Variants in ZNF223 observed in about 807,000 individuals in gnomAD.
ZNF223 encodes Homo sapiens zinc finger protein 223.
In ZNF223, 9 loss-of-function variants were observed where a neutral mutation model predicts 12.3. The ratio of observed to expected loss-of-function variants is 0.73; its 90% confidence interval spans 0.44 to 1.28. ZNF223 has a LOEUF of 1.28. Among genes scored for constraint, ZNF223 ranks in the 50% most tolerant of loss-of-function variants. The pLI is 0.00. For missense variants in ZNF223, 506 were observed against 579.0 expected, an observed-to-expected ratio of 0.87 and a Z score of 1.29; for synonymous variants, 171 against 195.2, an observed-to-expected ratio of 0.88 and a Z score of 1.03.
At chr19:44,052,980 G>A (rs1466521224) in intron 1 of ZNF223, among the ~76,000 whole-genome samples, 1 of 151,816 alleles carries the variant, frequency 6.6e-6, no homozygotes, top group East Asian at 1.9e-4. Context: ...TTCCATATAC[G>A]AATTTGTTAA....
intron 2 of ZNF223, among the ~76,000 whole-genome samples, chr19:44,058,606 T>C (rs1013440475): frequency 6.6e-6 from 1 of 152,178 alleles, no homozygotes; most frequent in African/African-American, 2.4e-5. Flanking sequence ...ACAATAGCTA[T>C]GTATCCAGAG....
chr19:44,058,623 G>A (rs1402106039), intron 2 of ZNF223, among the ~76,000 whole-genome samples: 4 of 152,210 alleles, frequency 2.6e-5, no homozygotes, highest in Non-Finnish European at 5.9e-5. Context: ...AGAGAAGGCC[G>A]GAGGTGTTGG....
At chr19:44,054,416 TC>T (rs1378641874) in intron 1 of ZNF223, among the ~76,000 whole-genome samples, 5 of 152,164 alleles carry the variant, frequency 3.3e-5, no homozygotes, top group African/African-American at 1.2e-4. Context: ...GTGGGCATTT[TC>T]TTGTAAAAAA....
intron 4 of ZNF223, among the ~76,000 whole-genome samples, chr19:44,065,581 T>C (rs1194582677): frequency 2.0e-5 from 3 of 147,042 alleles, no homozygotes; most frequent in South Asian, 2.1e-4. Flanking sequence ...TCTTTTCTTT[T>C]TTTTTTTTTT....
chr19:44,055,098 G>T lies in ZNF223; in HGVS notation c.-68-11G>T, dbSNP rs188597251. Reference sequence around the variant, plus strand: ...TCATGTCTCTTTTTCTGTCTTCATGGCACTTTCCAGGCACAATTCTGCTTT... The same window carrying T: ...TCATGTCTCTTTTTCTGTCTTCATGTCACTTTCCAGGCACAATTCTGCTTT... On this transcript the variant is annotated splice_polypyrimidine_tract_variant and intron_variant, in intron 1 of 4. Coordinates refer to ENST00000434772, the MANE Select transcript of ZNF223 (RefSeq NM_013361.6). 1,219 of 1,468,874 alleles carry T rather than the reference G, an allele frequency of 8.3e-4. 2 individuals are homozygous for T. The highest frequency in any genetic ancestry group is 1.0e-3 in the Non-Finnish European group (1,082 of 1,056,150). 91.0% of individuals were successfully genotyped at this position (1,468,874 alleles called of 1,614,324 possible).
At chr19:44,055,902 A>C (rs914832431) in intron 2 of ZNF223, among the ~76,000 whole-genome samples, 2 of 152,186 alleles carry the variant, frequency 1.3e-5, no homozygotes, top group African/African-American at 2.4e-5. Flanking sequence ...CTCATGAAAT[A>C]TGAGAAACCT....
chr19:44,065,783 G>C (rs996994027), intron 4 of ZNF223, among the ~76,000 whole-genome samples: 1 of 151,710 alleles, frequency 6.6e-6, no homozygotes, highest in Admixed American at 6.6e-5. Flanking sequence ...TCACTATGTT[G>C]GTCAGGCTGG....
Position 44,066,312 on chromosome 19 carries a change from A to G in ZNF223, c.484A>G (p.Ile162Val), listed in dbSNP as rs773106281. The G allele has an allele frequency of 3.7e-6, 6 of 1,614,252 alleles. No homozygotes were observed. The highest frequency in any genetic ancestry group is 5.1e-6 in the Non-Finnish European group (6 of 1,180,048). ...TAAACAATCCTTCAGTGATATGTCC[A>G]TCTTTGATCTTCCTCAGCAAATACG... ...KCKQSFSDMSIFDLPQQIRSA... is the reference protein window; with the variant it reads ...KCKQSFSDMSVFDLPQQIRSA... Residue 162 changes from isoleucine to valine, a missense_variant, in exon 5 of 5, where the codon ATC becomes GTC. By Grantham distance (29) the Ile-to-Val change is conservative. Coordinates refer to ENST00000434772, the MANE Select transcript of ZNF223 (RefSeq NM_013361.6).
In ZNF223 at chr19:44,067,357, G is replaced by C. The variant is rs1173536779; in HGVS notation, c.*80G>C. 3 of 1,365,060 alleles carry C rather than the reference G, an allele frequency of 2.2e-6. No homozygotes were observed. Among genetic ancestry groups the C allele is most frequent in the Non-Finnish European group, 1.0e-6 (1 of 982,084 alleles). The allele number at this position is 1,365,060 out of a possible 1,614,324, so 84.6% of individuals were successfully genotyped here. On this transcript the variant is annotated 3_prime_UTR_variant, in exon 5 of 5. Coordinates refer to ENST00000434772, the MANE Select transcript of ZNF223 (RefSeq NM_013361.6). ...TATAATGATCAAATCAGTGTAATTA[G>C]CACATTTATCACCTCAATTATCTCT...
chr19:44,058,257 C>T lies in ZNF223; in HGVS notation c.16-2198C>T, dbSNP rs868048745. Among the ~76,000 whole-genome samples the T allele has an allele frequency of 1.1e-4, 17 of 152,338 alleles. No individual in the cohort carries two copies. In the Middle Eastern group the frequency reaches 0.01, roughly 91 times the overall value. On this transcript the variant is annotated intron_variant, in intron 2 of 4. Coordinates refer to ENST00000434772, the MANE Select transcript of ZNF223 (RefSeq NM_013361.6). Reference sequence around the variant, plus strand: ...TGGGGTCTGCACCCCAACTGTCCTGCAGTCCATCCCCTGACCCAGATATCC... The same window carrying T: ...TGGGGTCTGCACCCCAACTGTCCTGTAGTCCATCCCCTGACCCAGATATCC...
intron 1 of ZNF223, among the ~76,000 whole-genome samples, chr19:44,054,720 C>CA (rs1568511308): frequency 1.3e-5 from 2 of 152,170 alleles, no homozygotes; most frequent in East Asian, 3.8e-4. Context: ...ATTCTCAACT[C>CA]AAATTTAGAA....
In ZNF223 at chr19:44,066,188, G is replaced by T; in HGVS notation, c.360G>T (p.Lys120Asn). The T allele has an allele frequency of 6.2e-7, 1 of 1,614,148 alleles. No homozygotes were observed. The highest frequency in any genetic ancestry group is 8.5e-7 in the Non-Finnish European group (1 of 1,180,028). ...CCAGGCCTCAAGACTCTACCATAAA[G>T]AGCTCTCAGTTCTTTGAACAGGGTG... ...DLTRPQDSTI[K>N]SSQFFEQGDA... is the part of the protein sequence containing the mutation. The change falls in exon 5 of 5, where the codon AAG becomes AAT. Residue 120 changes from lysine to asparagine, a missense_variant. Transcript: ENST00000434772.
At chr19:44,054,937 T>G (rs919746049) in intron 1 of ZNF223, among the ~76,000 whole-genome samples, 172 bp from the exon 2 acceptor site, 1 of 152,220 alleles carries the variant, frequency 6.6e-6, no homozygotes, top group African/African-American at 2.4e-5. Context: ...GCCACAATTT[T>G]TCTGTCCCTT....
intron 2 of ZNF223, among the ~76,000 whole-genome samples, chr19:44,056,454 C>T (rs1346016165): frequency 2.8e-5 from 4 of 144,542 alleles, no homozygotes; most frequent in Non-Finnish European, 6.1e-5. Context: ...ATGGCGTGAA[C>T]CCAGGAGGCG....
intron 2 of ZNF223, among the ~76,000 whole-genome samples, chr19:44,059,835 A>G (rs1173394808): frequency 6.6e-6 from 1 of 152,216 alleles, no homozygotes; most frequent in East Asian, 1.9e-4. Flanking sequence ...CAGTACCATC[A>G]GAAGGACCCT....
At position 44,060,461 on chromosome 19, in the gene ZNF223, G is replaced by T. The variant is rs1976821687; in HGVS notation, c.22G>T (p.Val8Leu). MTMSKEAVTFKDVAVVFT... is the reference protein window; with the variant it reads MTMSKEALTFKDVAVVFT... Reference sequence around the variant, plus strand: ...CATATGTTTGATGCTGTAGGAGGCAGTGACCTTCAAGGATGTGGCAGTGGT... The same window carrying T: ...CATATGTTTGATGCTGTAGGAGGCATTGACCTTCAAGGATGTGGCAGTGGT... The change falls in exon 3 of 5, where the codon GTG (valine) becomes TTG (leucine). Residue 8 changes from valine (V) to leucine (L), a missense_variant. Val to Leu is a conservative substitution (Grantham distance 32, BLOSUM62 1). Transcript: ENST00000434772. The T allele has an allele frequency of 6.2e-7, 1 of 1,614,126 alleles. No individual in the cohort carries two copies. Among genetic ancestry groups the T allele is most frequent in the Non-Finnish European group, 8.5e-7 (1 of 1,179,984 alleles).
intron 2 of ZNF223, among the ~76,000 whole-genome samples, chr19:44,055,879 C>T (rs1976756744): frequency 6.6e-6 from 1 of 152,172 alleles, no homozygotes; most frequent in Non-Finnish European, 1.5e-5. Flanking sequence ...GGTTCCTGAT[C>T]TCTTCTCCTA....
chr19:44,059,714 G>T (rs1261013150), intron 2 of ZNF223, among the ~76,000 whole-genome samples: 1 of 152,138 alleles, frequency 6.6e-6, no homozygotes, highest in Non-Finnish European at 1.5e-5. Context: ...CCATTCCCCT[G>T]GTTGTTTGGC....
chr19:44,066,878 G>T lies in ZNF223; in HGVS notation c.1050G>T (p.Gly350=), dbSNP rs139017447. ...GEKPYNCKEC[G]KSFRRSSYLL... ...AACCATATAATTGTAAAGAATGTGG[G>T]AAGAGCTTCAGACGGTCCTCCTATC... Residue 350 remains glycine, a synonymous_variant, in exon 5 of 5, where the codon GGG becomes GGT. Transcript: ENST00000434772. 6.2e-7 allele frequency: 1 copy of T among 1,614,154 alleles called. No homozygotes were observed. Among genetic ancestry groups the T allele is most frequent in the Non-Finnish European group, 8.5e-7 (1 of 1,180,036 alleles).
Sources: allele counts gnomAD v4.1 joint callset (sites outside exome capture counted in the v4.1 genomes callset), GRCh38; gene constraint gnomAD v4.1.1; transcripts MANE v1.5; gene names NCBI Gene and HGNC (gene_info 2026-07-23, HGNC 2026-07-21).